The following ZNF385B variants were observed in gnomAD, a reference collection of about 807,000 sequenced individuals.
The protein encoded by ZNF385B is zinc finger protein 385B, also known as zinc finger protein 533.
Under a neutral mutation model 39.2 loss-of-function variants are expected in ZNF385B, and 23 were observed. The observed-to-expected ratio is 0.59, with a 90% CI of 0.42 to 0.83. The LOEUF is 0.83. Among genes scored for constraint, ZNF385B ranks in the 40% least tolerant of loss-of-function variants. The pLI, the probability that ZNF385B is intolerant of heterozygous loss-of-function variation, is 0.00. For missense variants in ZNF385B, 552 were observed against 598.9 expected, an observed-to-expected ratio of 0.92 and a Z score of 0.82; for synonymous variants, 205 against 222.6, an observed-to-expected ratio of 0.92 and a Z score of 0.70.
rs936655791 is a variant in ZNF385B at position 179,834,550 on chromosome 2, T to G, written c.-155+26551A>C. On this transcript the variant is annotated intron_variant, in intron 1 of 9. Transcript: ENST00000410066. Reference sequence around the variant, plus strand: ...TTAAAACGAAAGACGGGGGGAAAGTTTTTCTTCACAAAGGGAAGTCAAATA... The same window carrying G: ...TTAAAACGAAAGACGGGGGGAAAGTGTTTCTTCACAAAGGGAAGTCAAATA... 7.2e-5 allele frequency among the ~76,000 whole-genome samples: 11 copies of G among 152,242 alleles called. 1 individual carries two copies. The South Asian group carries it at 2.1e-3, about 29-fold the overall frequency.
intron 3 of ZNF385B, among the ~76,000 whole-genome samples, chr2:179,669,788 T>G (rs1695670846): frequency 6.6e-6 from 1 of 152,220 alleles, no homozygotes; most frequent in Non-Finnish European, 1.5e-5. Flanking sequence ...GATGAACATT[T>G]CCAAACTTCT....
intron 6 of ZNF385B, among the ~76,000 whole-genome samples, chr2:179,477,583 C>A (rs372943780): frequency 1.3e-5 from 2 of 152,096 alleles, no homozygotes. Flanking sequence ...AAATGGGGAG[C>A]GTGTTCAAGA....
At chr2:179,771,029 G>C (rs1703979882) in intron 1 of ZNF385B, among the ~76,000 whole-genome samples, 1 of 152,162 alleles carries the variant, frequency 6.6e-6, no homozygotes, top group African/African-American at 2.4e-5. Flanking sequence ...AGAAAGGGGA[G>C]GGGAATTTGG....
intron 3 of ZNF385B, among the ~76,000 whole-genome samples, chr2:179,729,683 T>C (rs1270994286): frequency 6.6e-6 from 1 of 152,172 alleles, no homozygotes; most frequent in Non-Finnish European, 1.5e-5. Context: ...GGGCTCTGTG[T>C]CCCCACACAA....
intron 5 of ZNF385B, among the ~76,000 whole-genome samples, chr2:179,506,522 T>C (rs899430162): frequency 2.0e-5 from 3 of 152,178 alleles, no homozygotes; most frequent in Admixed American, 2.0e-4. Flanking sequence ...CTCTATATTG[T>C]ATAATTTTGA....
intron 3 of ZNF385B, among the ~76,000 whole-genome samples, chr2:179,725,430 C>A (rs530421785): frequency 6.6e-6 from 1 of 151,890 alleles, no homozygotes; most frequent in South Asian, 2.1e-4. Context: ...CACATACGTG[C>A]ATGTATATAT....
chr2:179,697,188 A>G (rs1472289578), intron 3 of ZNF385B, among the ~76,000 whole-genome samples: 2 of 152,212 alleles, frequency 1.3e-5, no homozygotes, highest in East Asian at 3.8e-4. Context: ...AGTAAAATTC[A>G]TACTCGGTCC....
chr2:179,653,960 G>T (rs1040149032), intron 3 of ZNF385B, among the ~76,000 whole-genome samples: 1 of 152,138 alleles, frequency 6.6e-6, no homozygotes, highest in Non-Finnish European at 1.5e-5. Flanking sequence ...GATGCACAAT[G>T]GTAAGGAGAA....
intron 3 of ZNF385B, among the ~76,000 whole-genome samples, chr2:179,634,800 A>G (rs1222559157): frequency 1.3e-5 from 2 of 152,100 alleles, no homozygotes; most frequent in Non-Finnish European, 2.9e-5. Flanking sequence ...CTTGGAACCA[A>G]CCCAGATGTC....
chr2:179,493,630 CATATGTATACACATATGCGTATACAT>C (rs1243082667), intron 5 of ZNF385B, among the ~76,000 whole-genome samples: 1 of 94,474 alleles, frequency 1.1e-5, no homozygotes, highest in Non-Finnish European at 2.2e-5. Context: ...TATGTATACG[CATATGTATACACATATGCGTATACAT>C]ATATGTATAT....
At chr2:179,750,154 G>A (rs977890315) in intron 3 of ZNF385B, among the ~76,000 whole-genome samples, 1 of 152,084 alleles carries the variant, frequency 6.6e-6, no homozygotes, top group African/African-American at 2.4e-5. Context: ...TTAGATTTCT[G>A]ACACCATTGA....
intron 4 of ZNF385B, among the ~76,000 whole-genome samples, chr2:179,523,279 A>T (rs2058635137): frequency 6.6e-6 from 1 of 151,916 alleles, no homozygotes; most frequent in African/African-American, 2.4e-5. Context: ...TCATATTTTC[A>T]ATATCAAAAT....
At chr2:179,493,927 T>C (rs1188641892) in intron 5 of ZNF385B, among the ~76,000 whole-genome samples, 1 of 150,932 alleles carries the variant, frequency 6.6e-6, no homozygotes, top group African/African-American at 2.4e-5. Context: ...CTAGGCATTA[T>C]TCTAAGTGCT....
In ZNF385B at chr2:179,626,601, A is replaced by AT. The variant is rs574360349; in HGVS notation, c.299-81633dup. Among the ~76,000 whole-genome samples the AT allele has an allele frequency of 2.5e-4, 38 of 152,226 alleles. No individual in the cohort carries two copies. The South Asian group carries it at 7.9e-3, about 32-fold the overall frequency. The stretch of plus-strand genomic sequence containing the variant: ...AAAATGGGCTTAACTTATAATTCAG[A>AT]TTTTCTCCAGCCTGAGTTATAATAA... On this transcript the variant is annotated intron_variant, in intron 3 of 9. Transcript: ENST00000410066.
At chr2:179,546,645 T>C (rs1457018662) in intron 3 of ZNF385B, among the ~76,000 whole-genome samples, 1 of 152,210 alleles carries the variant, frequency 6.6e-6, no homozygotes, top group Admixed American at 6.5e-5. Context: ...TTAGTTTGCT[T>C]CCAAATCTTG....
chr2:179,822,173 T>C (rs1437568167), intron 1 of ZNF385B, among the ~76,000 whole-genome samples: 3 of 152,332 alleles, frequency 2.0e-5, no homozygotes, highest in Non-Finnish European at 4.4e-5. Context: ...TAGGAGTCCA[T>C]TGAGCACAGG....
At chr2:179,612,475 G>A (rs1358629094) in intron 3 of ZNF385B, among the ~76,000 whole-genome samples, 2 of 151,896 alleles carry the variant, frequency 1.3e-5, no homozygotes, top group Non-Finnish European at 2.9e-5. Context: ...TGTAGCTCTT[G>A]CAGACTTGTA....
intron 6 of ZNF385B, among the ~76,000 whole-genome samples, chr2:179,471,126 C>T (rs1015206563): frequency 2.0e-5 from 3 of 152,060 alleles, no homozygotes; most frequent in East Asian, 3.9e-4. Context: ...CTCTTAGGAA[C>T]GTTGTTATAT....
intron 4 of ZNF385B, among the ~76,000 whole-genome samples, chr2:179,530,611 C>T (rs1398987275): frequency 1.3e-5 from 2 of 152,056 alleles, no homozygotes; most frequent in African/African-American, 4.8e-5. Flanking sequence ...AGGTCCATGA[C>T]AAAAATTAAA....
Sources: gnomAD v4.1 joint callset for allele counts (sites outside exome capture counted in the v4.1 genomes callset) on GRCh38, gnomAD v4.1.1 for gene constraint, MANE v1.5 for transcripts, NCBI Gene and HGNC (gene_info 2026-07-23, HGNC 2026-07-21) for gene names.